Variants in TEX2 observed in about 807,000 individuals in gnomAD.
The protein encoded by TEX2 is testis expressed 2, also known as testis-expressed protein 2.
A neutral mutation model predicts 106.9 loss-of-function variants in TEX2; 53 were observed. That is an observed-to-expected ratio of 0.50 (90% confidence interval 0.40 to 0.62). TEX2 has a LOEUF of 0.62. Ranked by LOEUF, TEX2 falls within the 20% of genes least tolerant of loss-of-function variation. The probability of loss-of-function intolerance (pLI) is 0.00; values close to 1 mark genes in which losing one functional copy is unlikely to be tolerated. For synonymous variants in TEX2, 523 were observed against 534.8 expected (o/e 0.98, Z 0.30); for missense variants, 1,207 against 1,379.0 (o/e 0.88, Z 1.98).
chr17:64,167,757 T>C (rs961789485), intron 7 of TEX2, among the ~76,000 whole-genome samples: 4 of 152,006 alleles, frequency 2.6e-5, no homozygotes, highest in Non-Finnish European at 4.4e-5. Context: ...AGGTGGAGGT[T>C]GCAGTGAGTT....
intron 1 of TEX2, among the ~76,000 whole-genome samples, chr17:64,255,022 A>G (rs9900948): frequency 0.81 from 117,903 of 145,920 alleles, 47,882 homozygotes; most frequent in Middle Eastern, 0.9. Context: ...GTGTCACTGC[A>G]TCTGGCTTTT....
At chr17:64,209,951 G>A (rs1476792971) in intron 2 of TEX2, among the ~76,000 whole-genome samples, 6 of 152,142 alleles carry the variant, frequency 3.9e-5, no homozygotes, top group African/African-American at 1.4e-4. Context: ...ACAGTGATTG[G>A]ATTGACACTA....
chr17:64,232,697 C>T (rs1325904667), intron 1 of TEX2, among the ~76,000 whole-genome samples: 1 of 152,210 alleles, frequency 6.6e-6, no homozygotes, highest in Non-Finnish European at 1.5e-5. Context: ...ATGTCATCCA[C>T]AGCCAATCAG....
intron 7 of TEX2, among the ~76,000 whole-genome samples, chr17:64,170,269 A>G (rs1466712172): frequency 6.6e-6 from 1 of 152,230 alleles, no homozygotes; most frequent in African/African-American, 2.4e-5. Flanking sequence ...GTACGTCTTC[A>G]TTTCTCAAAC....
At position 64,212,563 on chromosome 17, in the gene TEX2, G is replaced by A; in HGVS notation, c.1644+11C>T. The A allele has an allele frequency of 6.2e-7, 1 of 1,607,190 alleles. No homozygotes were observed. Among genetic ancestry groups the A allele is most frequent in the South Asian group, 1.1e-5 (1 of 90,152 alleles). On this transcript the variant is annotated intron_variant, in intron 2 of 11. Transcript: ENST00000584379. ...GTGTGTGTACTAGCCAGCTCCCGGG[G>A]AGAGGCTTACCTTCAGTATTTCAGG...
chr17:64,191,783 AC>A (rs2032302907), intron 4 of TEX2, among the ~76,000 whole-genome samples: 1 of 143,126 alleles, frequency 7.0e-6, no homozygotes, highest in African/African-American at 2.7e-5. Flanking sequence ...GTGTCACTGC[AC>A]TCCAGCCTGG....
chr17:64,199,974 AT>A (rs2032605774), intron 2 of TEX2, among the ~76,000 whole-genome samples: 1 of 152,246 alleles, frequency 6.6e-6, no homozygotes, highest in South Asian at 2.1e-4. Flanking sequence ...GTTTTCTGCC[AT>A]TTTATTAGAT....
chr17:64,202,301 C>T (rs1300129245), intron 2 of TEX2, among the ~76,000 whole-genome samples: 2 of 152,072 alleles, frequency 1.3e-5, no homozygotes, highest in African/African-American at 4.8e-5. Context: ...TGCTACTTGA[C>T]CCCACTGTCA....
At position 64,257,912 on chromosome 17, in the gene TEX2, C is replaced by T. The variant is rs528120070; in HGVS notation, c.-26+5256G>A. 1.0e-4 allele frequency among the ~76,000 whole-genome samples: 15 copies of T among 149,512 alleles called. 1 individual carries two copies. The South Asian group carries it at 3.2e-3, about 31-fold the overall frequency. ...GTGAACAATATGTGGTTGTTATAAC[C>T]GTTCTTTTTTTTTTTTTGAGATGGA... On this transcript the variant is annotated intron_variant, in intron 1 of 11. Transcript: ENST00000584379.
At chr17:64,258,528 C>T (rs1479506905) in intron 1 of TEX2, among the ~76,000 whole-genome samples, 1 of 152,126 alleles carries the variant, frequency 6.6e-6, no homozygotes, top group Non-Finnish European at 1.5e-5. Context: ...AGGAACAGTG[C>T]CTGGCACACG....
intron 1 of TEX2, among the ~76,000 whole-genome samples, chr17:64,219,946 T>C (rs935226624): frequency 2.0e-5 from 3 of 152,174 alleles, no homozygotes; most frequent in African/African-American, 7.2e-5. Context: ...GGAAAGATTA[T>C]CCTGGATTGC....
intron 5 of TEX2, among the ~76,000 whole-genome samples, chr17:64,179,797 G>T (rs2031776465): frequency 6.6e-6 from 1 of 151,960 alleles, no homozygotes; most frequent in East Asian, 1.9e-4. Flanking sequence ...AAAAAAGAAA[G>T]CATGCTGGTC....
Position 64,207,640 on chromosome 17 carries a change from T to C in TEX2, c.1644+4934A>G, listed in dbSNP as rs116812272. Among the ~76,000 whole-genome samples, 726 of 152,234 alleles carry C rather than the reference T, an allele frequency of 4.8e-3. 5 individuals are homozygous for C. Among genetic ancestry groups the C allele is most frequent in the African/African-American group, 0.017 (702 of 41,534 alleles). On this transcript the variant is annotated intron_variant, in intron 2 of 11. Transcript: ENST00000584379. ...TATAAAGAAACCAAGGTCTATCTCC[T>C]ACATCACTTTAAAGCCATCAACCTG...
At chr17:64,247,356 A>C (rs1388628163) in intron 1 of TEX2, among the ~76,000 whole-genome samples, 3 of 152,180 alleles carry the variant, frequency 2.0e-5, no homozygotes, top group African/African-American at 7.2e-5. Flanking sequence ...CCCAAGAAAA[A>C]TAAAAAGATG....
chr17:64,174,740 GAC>G (rs1405194878), intron 6 of TEX2, among the ~76,000 whole-genome samples: 3 of 152,204 alleles, frequency 2.0e-5, no homozygotes, highest in East Asian at 3.8e-4. Context: ...AACATTTGCT[GAC>G]ACAGGCACAA....
intron 4 of TEX2, among the ~76,000 whole-genome samples, chr17:64,193,295 C>A (rs919406851): frequency 6.6e-6 from 1 of 152,202 alleles, no homozygotes. Context: ...AGGGGAGTCA[C>A]ATTATATACA....
At chr17:64,249,577 T>TA (rs1225099136) in intron 1 of TEX2, among the ~76,000 whole-genome samples, 1 of 152,154 alleles carries the variant, frequency 6.6e-6, no homozygotes, top group African/African-American at 2.4e-5. Context: ...ACTTTGGCAT[T>TA]AAAAAATCAT....
At chr17:64,241,438 T>G (rs573944072) in intron 1 of TEX2, among the ~76,000 whole-genome samples, 1 of 152,286 alleles carries the variant, frequency 6.6e-6, no homozygotes, top group South Asian at 2.1e-4. Flanking sequence ...AAGAGGTCCT[T>G]CAAACAAATC....
At chr17:64,259,414 T>G (rs953047368) in intron 1 of TEX2, among the ~76,000 whole-genome samples, 1 of 152,230 alleles carries the variant, frequency 6.6e-6, no homozygotes, top group Non-Finnish European at 1.5e-5. Flanking sequence ...TGTAAGAATA[T>G]TCACAACAGC....
Sources: allele counts gnomAD v4.1 joint callset (sites outside exome capture counted in the v4.1 genomes callset), GRCh38; gene constraint gnomAD v4.1.1; transcripts MANE v1.5; gene names NCBI Gene and HGNC (gene_info 2026-07-23, HGNC 2026-07-21).